ADAM9: variants seen among roughly 807,000 people sequenced by gnomAD.
ADAM9 encodes ADAM metallopeptidase domain 9, also known as disintegrin and metalloproteinase domain-containing protein 9.
In ADAM9, 54 loss-of-function variants were observed where a neutral mutation model predicts 108.1. The ratio of observed to expected loss-of-function variants is 0.50; its 90% CI spans 0.40 to 0.63. The LOEUF is 0.63. Among genes scored for constraint, ADAM9 ranks in the 20% least tolerant of loss-of-function variants. The pLI, the probability that ADAM9 is intolerant of heterozygous loss-of-function variation, is 0.00. For synonymous variants in ADAM9, 316 were observed against 336.0 expected (o/e 0.94, Z 0.65); for missense variants, 830 against 997.7 (o/e 0.83, Z 2.26).
Position 39,064,505 on chromosome 8 carries a change from T to A in ADAM9, c.1592-6793T>A, listed in dbSNP as rs59863326. On this transcript the variant is annotated intron_variant, in intron 14 of 21. Transcript: ENST00000487273. The stretch of plus-strand genomic sequence containing the variant: ...GAAAATCCCAGATTTGTAGGATGAT[T>A]TGGCAAGATGGAGACACAGGAGAGA... Among the ~76,000 whole-genome samples the A allele has an allele frequency of 4.7e-3, 712 of 152,282 alleles. 5 individuals carry two copies. The highest frequency in any genetic ancestry group is 0.016 in the African/African-American group (677 of 41,546).
chr8:39,034,656 C>T (rs962273404), intron 11 of ADAM9, among the ~76,000 whole-genome samples: 4 of 152,156 alleles, frequency 2.6e-5, no homozygotes, highest in Non-Finnish European at 4.4e-5. Context: ...AATATAGAAT[C>T]GTAGATCATC....
chr8:39,014,922 G>T, intron 4 of ADAM9: 1 of 194,604 alleles, frequency 5.1e-6, no homozygotes. Flanking sequence ...GTGTGTTGTT[G>T]GTCCATTGTT....
chr8:39,054,427 G>T, intron 12 of ADAM9, 54 bp from the exon 13 acceptor site: 1 of 1,425,114 alleles, frequency 7.0e-7, no homozygotes, highest in South Asian at 1.1e-5. Flanking sequence ...TTTTATTAAT[G>T]AGTATTCATG....
At chr8:39,026,842 T>G in intron 11 of ADAM9, 32 bp downstream of exon 11, 1 of 1,613,152 alleles carries the variant, frequency 6.2e-7, no homozygotes, top group Non-Finnish European at 8.5e-7. Context: ...CTCCTTTATT[T>G]GGTATTGTAG....
At chr8:39,074,926 G>C (rs1282519847) in intron 15 of ADAM9, among the ~76,000 whole-genome samples, 1 of 23,512 alleles carries the variant, frequency 4.3e-5, no homozygotes, top group Non-Finnish European at 8.5e-5. Context: ...TTTTTTTTTT[G>C]AGTAGAGCCT....
intron 14 of ADAM9, among the ~76,000 whole-genome samples, chr8:39,057,506 G>A (rs1838164829): frequency 6.6e-6 from 1 of 151,932 alleles, no homozygotes; most frequent in Admixed American, 6.6e-5. Context: ...TGTGATTGTG[G>A]AAGCTGCTAA....
chr8:39,062,370 T>C (rs1341315267), intron 14 of ADAM9, among the ~76,000 whole-genome samples: 1 of 152,246 alleles, frequency 6.6e-6, no homozygotes, highest in Non-Finnish European at 1.5e-5. Context: ...TAAGAGGCTG[T>C]GACTTTCTGT....
chr8:39,026,573 C>G (rs779438553), intron 10 of ADAM9, 104 bp from the exon 11 acceptor site: 22 of 1,416,092 alleles, frequency 1.6e-5, no homozygotes, highest in Non-Finnish European at 2.0e-5. Context: ...CGTAGGCTGT[C>G]AACAGTGTAG....
rs1287255470 is a variant in ADAM9 at position 39,021,647 on chromosome 8, A to G, written c.677A>G (p.Asp226Gly). The part of the protein sequence containing the change: ...LFIVVDKERY[D>G]MMGRNQTAVR... ...TCTCCTTCTTTGCTTTTCCAGTATG[A>G]CATGATGGGAAGAAATCAGACTGCT... is the stretch of plus-strand genomic sequence containing the variant. Residue 226 changes from aspartate (D) to glycine (G), a missense_variant, in exon 8 of 22, where the codon GAC (aspartate) becomes GGC (glycine). Physicochemically the swap from Asp to Gly is moderately conservative, Grantham distance 94. Transcript: ENST00000487273. 5.0e-6 allele frequency: 8 copies of G among 1,613,744 alleles called. No homozygotes were observed. The highest frequency in any genetic ancestry group is 6.8e-6 in the Non-Finnish European group (8 of 1,179,684).
chr8:39,097,258 G>A (rs1250033565), intron 20 of ADAM9, among the ~76,000 whole-genome samples: 3 of 150,978 alleles, frequency 2.0e-5, no homozygotes, highest in African/African-American at 7.3e-5. Context: ...AGGTTTGCTA[G>A]TTTCTACTCA....
intron 21 of ADAM9, among the ~76,000 whole-genome samples, chr8:39,103,234 C>T (rs1324560288): frequency 6.6e-6 from 1 of 152,102 alleles, no homozygotes; most frequent in Non-Finnish European, 1.5e-5. Flanking sequence ...AGGTTTACAC[C>T]AGCAGTAATT....
At chr8:39,022,101 A>T (rs866435671) in intron 8 of ADAM9, among the ~76,000 whole-genome samples, 107 of 145,244 alleles carry the variant, frequency 7.4e-4, no homozygotes, top group African/African-American at 2.7e-3. Context: ...TGTGTGTGAG[A>T]GAGAGAGAGA....
chr8:39,066,067 C>A (rs143458067), intron 14 of ADAM9, among the ~76,000 whole-genome samples: 2 of 152,172 alleles, frequency 1.3e-5, no homozygotes, highest in Non-Finnish European at 2.9e-5. Flanking sequence ...CATGTCCCTA[C>A]GAAGGACATG....
chr8:39,104,856 A>G lies in ADAM9; in HGVS notation c.*1156A>G. 5 of 446,890 alleles carry G rather than the reference A, an allele frequency of 1.1e-5. No homozygotes were observed. Among genetic ancestry groups the G allele is most frequent in the Non-Finnish European group, 1.8e-5 (4 of 224,954 alleles). The allele number at this position is 446,890 out of a possible 1,614,324, so 27.7% of individuals were successfully genotyped here. On this transcript the variant is annotated 3_prime_UTR_variant, in exon 22 of 22. Transcript: ENST00000487273. ...TATGGATCGTAAAATTTTAAGCACT[A>G]AAAATTTTTTCATAACCTTTCATAA...
At chr8:39,088,434 T>G (rs1839244597) in intron 18 of ADAM9, among the ~76,000 whole-genome samples, 1 of 152,052 alleles carries the variant, frequency 6.6e-6, no homozygotes, top group Admixed American at 6.6e-5. Context: ...TTTTTTTGTA[T>G]TTTTAGTAGA....
chr8:39,045,412 G>T (rs369951330), intron 12 of ADAM9, among the ~76,000 whole-genome samples: 1 of 40,134 alleles, frequency 2.5e-5, no homozygotes, highest in African/African-American at 8.2e-5. Flanking sequence ...CTATATGTGC[G>T]CGTGTGTACA....
rs1302221699 is a variant in ADAM9 at position 39,014,442 on chromosome 8, AT to A, written c.333+400del. 20 of 636,026 alleles carry A rather than the reference AT, an allele frequency of 3.1e-5. No homozygotes were observed. The East Asian group carries it at 5.6e-4, about 18-fold the overall frequency. The allele number at this position is 636,026 out of a possible 1,614,324, so 39.4% of individuals were successfully genotyped here. On this transcript the variant is annotated intron_variant, in intron 4 of 21. Transcript: ENST00000487273. ...TAAAGAAAAACACTCATTTGATGTTATGTGTTCTAATGTTCTAAATTTTTTC... is the reference window on the plus strand; with the variant it reads ...TAAAGAAAAACACTCATTTGATGTTAGTGTTCTAATGTTCTAAATTTTTTC...
chr8:38,999,624 C>G (rs542553908), intron 1 of ADAM9, among the ~76,000 whole-genome samples: 1 of 152,166 alleles, frequency 6.6e-6, no homozygotes, highest in East Asian at 1.9e-4. Context: ...GAGAATGTAG[C>G]CTTTTACATT....
chr8:39,045,243 CAT>C (rs1564298985), intron 12 of ADAM9, among the ~76,000 whole-genome samples: 3 of 141,862 alleles, frequency 2.1e-5, no homozygotes, highest in African/African-American at 7.8e-5. Flanking sequence ...TATGTGTATA[CAT>C]ACATATATGT....
Sources: gnomAD v4.1 joint callset for allele counts (sites outside exome capture counted in the v4.1 genomes callset) on GRCh38, gnomAD v4.1.1 for gene constraint, MANE v1.5 for transcripts, NCBI Gene and HGNC (gene_info 2026-07-23, HGNC 2026-07-21) for gene names.